EGF: variants seen among roughly 807,000 people sequenced by gnomAD.
EGF encodes pro-epidermal growth factor.
Under a neutral mutation model 143.8 loss-of-function variants are expected in EGF, and 95 were observed. The observed-to-expected ratio is 0.66, with a 90% CI of 0.56 to 0.78. The LOEUF (loss-of-function observed/expected upper bound fraction) is 0.78. Ranked by LOEUF, EGF falls within the 30% of genes least tolerant of loss-of-function variation. The probability of loss-of-function intolerance (pLI) is 0.00; values close to 1 mark genes in which losing one functional copy is unlikely to be tolerated. For missense variants in EGF, 1,320 were observed against 1,470.9 expected, an observed-to-expected ratio of 0.90 and a Z score of 1.68; for synonymous variants, 510 against 510.5, an observed-to-expected ratio of 1.00 and a Z score of 0.01.
At chr4:110,010,164 T>C (rs1040903722) in intron 23 of EGF, among the ~76,000 whole-genome samples, 2 of 151,850 alleles carry the variant, frequency 1.3e-5, no homozygotes, top group African/African-American at 4.8e-5. Flanking sequence ...GAGGCTGAGG[T>C]AGGAGGATCC....
intron 18 of EGF, among the ~76,000 whole-genome samples, chr4:109,991,452 G>A (rs890888479): frequency 6.6e-6 from 1 of 152,126 alleles, no homozygotes; most frequent in Non-Finnish European, 1.5e-5. Flanking sequence ...GTTTATCATC[G>A]TTGTGCTGGA....
At chr4:109,988,831 A>T in intron 18 of EGF, 122 bp downstream of exon 18, 1 of 1,475,512 alleles carries the variant, frequency 6.8e-7, no homozygotes, top group Non-Finnish European at 9.3e-7. Context: ...GTCAAGATTT[A>T]AAGAGTTGTG....
intron 5 of EGF, among the ~76,000 whole-genome samples, chr4:109,949,002 G>A (rs1246357176): frequency 1.3e-5 from 2 of 152,242 alleles, no homozygotes; most frequent in South Asian, 2.1e-4. Context: ...ACAAATATGA[G>A]TATCAATAAA....
chr4:109,993,189 T>A, intron 18 of EGF, 58 bp from the exon 19 acceptor site: 2 of 1,609,174 alleles, frequency 1.2e-6, no homozygotes, highest in Non-Finnish European at 1.7e-6. Context: ...TGTCCAACTA[T>A]AAAACCCTCT....
At chr4:109,975,163 C>T (rs1748292189) in intron 12 of EGF, among the ~76,000 whole-genome samples, 1 of 152,082 alleles carries the variant, frequency 6.6e-6, no homozygotes, top group Non-Finnish European at 1.5e-5. Context: ...AGAAAAATCA[C>T]AAGATATAGG....
At chr4:109,927,422 TG>T (rs1738869578) in intron 1 of EGF, among the ~76,000 whole-genome samples, 1 of 151,932 alleles carries the variant, frequency 6.6e-6, no homozygotes, top group South Asian at 2.1e-4. Context: ...TAACTGGAGA[TG>T]TCCACCAAAG....
At chr4:109,930,643 A>T (rs1350500870) in intron 1 of EGF, among the ~76,000 whole-genome samples, 1 of 152,164 alleles carries the variant, frequency 6.6e-6, no homozygotes, top group African/African-American at 2.4e-5. Context: ...ACTAGCTCTC[A>T]TGAGTGTTTG....
chr4:109,916,497 CTT>C (rs1736683331), intron 1 of EGF, among the ~76,000 whole-genome samples: 1 of 152,086 alleles, frequency 6.6e-6, no homozygotes, highest in African/African-American at 2.4e-5. Flanking sequence ...TCCGAGGACT[CTT>C]GTCAGTATTG....
intron 1 of EGF, among the ~76,000 whole-genome samples, chr4:109,935,048 C>A (rs1740509789): frequency 6.6e-6 from 1 of 152,008 alleles, no homozygotes. Context: ...TATAGGGGCT[C>A]TTTTTTGGTT....
At position 109,988,612 on chromosome 4, in the gene EGF, A is replaced by G. The variant is rs371235246; in HGVS notation, c.2637A>G (p.Pro879=). 5.0e-6 allele frequency: 8 copies of G among 1,613,992 alleles called. No individual in the cohort carries two copies. Among genetic ancestry groups the G allele is most frequent in the South Asian group, 1.1e-5 (1 of 91,092 alleles). The change falls in exon 18 of 24, where the codon CCA becomes CCG. Residue 879 remains proline, a synonymous_variant. Transcript: ENST00000265171. ...SDIDECEMGV[P]VCPPASSKCI... is the part of the protein sequence containing the mutation. Reference sequence around the variant, plus strand: ...TAGATGAATGTGAGATGGGTGTCCCAGTGTGCCCCCCTGCCTCCTCCAAGT... The same window carrying G: ...TAGATGAATGTGAGATGGGTGTCCCGGTGTGCCCCCCTGCCTCCTCCAAGT...
At chr4:109,974,668 T>C (rs1283499588) in intron 11 of EGF, 35 bp from the exon 12 acceptor site, 4 of 1,498,578 alleles carry the variant, frequency 2.7e-6, no homozygotes, top group African/African-American at 2.8e-5. Context: ...AGTAAAGGTG[T>C]TATAACAAAC....
At chr4:109,980,291 T>C (rs1749151342) in intron 14 of EGF, 152 bp downstream of exon 14, 1 of 862,922 alleles carries the variant, frequency 1.2e-6, no homozygotes, top group African/African-American at 1.7e-5. Context: ...TTTAAGTTTG[T>C]TTAAGACAAT....
chr4:110,004,250 ACAAAC>A, intron 21 of EGF: 5 of 496,156 alleles, frequency 1.0e-5, no homozygotes, highest in Non-Finnish European at 1.8e-5. Context: ...ACACACACAC[ACAAAC>A]ACACACACAC....
intron 22 of EGF, among the ~76,000 whole-genome samples, chr4:110,007,599 T>C (rs984677700): frequency 2.0e-5 from 3 of 152,222 alleles, no homozygotes; most frequent in Non-Finnish European, 4.4e-5. Flanking sequence ...AGAGAAATGT[T>C]GTTTTCTGTT....
intron 1 of EGF, 119 bp downstream of exon 1, chr4:109,913,581 C>T (rs1351384128): frequency 2.0e-6 from 3 of 1,467,286 alleles, no homozygotes; most frequent in East Asian, 2.5e-5. Context: ...TGTATAGTTG[C>T]TTAATTTTTG....
At chr4:109,914,096 T>C (rs964854765) in intron 1 of EGF, among the ~76,000 whole-genome samples, 1 of 152,206 alleles carries the variant, frequency 6.6e-6, no homozygotes, top group African/African-American at 2.4e-5. Context: ...CACACTGTCC[T>C]CTCATATTAA....
chr4:109,954,662 A>T (rs771021978), intron 5 of EGF, among the ~76,000 whole-genome samples: 1 of 152,228 alleles, frequency 6.6e-6, no homozygotes, highest in Non-Finnish European at 1.5e-5. Flanking sequence ...AAATATAGCC[A>T]CGTTTTTATA....
chr4:109,973,557 T>C (rs1226888415), intron 11 of EGF, among the ~76,000 whole-genome samples: 1 of 152,132 alleles, frequency 6.6e-6, no homozygotes, highest in Admixed American at 6.5e-5. Flanking sequence ...TGCTTTCATT[T>C]GCTGTGTTAT....
In EGF at chr4:109,943,702, G is replaced by A. The variant is rs28684716; in HGVS notation, c.510-140G>A. 4,090 of 796,068 alleles carry A rather than the reference G, an allele frequency of 5.1e-3. 117 individuals carry two copies. The African/African-American group carries it at 0.059, about 12-fold the overall frequency. The allele number at this position is 796,068 out of a possible 1,614,324, so 49.3% of individuals were successfully genotyped here. A position where few individuals can be genotyped will look rare whatever the true frequency, so the allele number is the denominator to read the frequency against. ...AATCACTTGTAATGTCTACAATAGG[G>A]CAGTGTTTACTTGTTGAATAAATTT... On this transcript the variant is annotated intron_variant, in intron 3 of 23. Coordinates refer to ENST00000265171, the MANE Select transcript of EGF (RefSeq NM_001963.6).
Sources: allele counts gnomAD v4.1 joint callset (sites outside exome capture counted in the v4.1 genomes callset), GRCh38; gene constraint gnomAD v4.1.1; transcripts MANE v1.5; gene names NCBI Gene and HGNC (gene_info 2026-07-23, HGNC 2026-07-21).